The following MAX variants were observed in gnomAD, a reference collection of about 807,000 sequenced individuals.
MAX encodes the protein MYC associated transcriptional regulator X, also known as protein max.
In MAX, 3 loss-of-function variants were observed where a neutral mutation model predicts 22.3. The observed-to-expected ratio is 0.13, with a 90% CI of 0.06 to 0.35. The LOEUF (loss-of-function observed/expected upper bound fraction) is 0.35, where lower values mean the gene tolerates loss of function less well. Ranked by LOEUF, MAX falls within the 10% of genes least tolerant of loss-of-function variation. MAX has a pLI of 1.00. For synonymous variants in MAX, 72 were observed against 77.7 expected (o/e 0.93, Z 0.39); for missense variants, 119 against 209.4 (o/e 0.57, Z 2.66).
At position 65,075,643 on chromosome 14, in the gene MAX, T is replaced by C. The variant is rs1009761370; in HGVS notation, c.*833A>G. On this transcript the variant is annotated 3_prime_UTR_variant, in exon 5 of 5. Coordinates refer to ENST00000358664, the MANE Select transcript of MAX (RefSeq NM_002382.5). This position sits in a 1 kb window ranked among gnomAD's most constrained non-coding sequence, Gnocchi z 4.1. ...AGATTCAAATTTAAGTAGCAGGAAA[T>C]AAATATCAAAACATCATCACTGGCC... The C allele has an allele frequency of 5.6e-6, 6 of 1,066,200 alleles. No individual in the cohort carries two copies. In the East Asian group the frequency reaches 1.5e-4, roughly 26 times the overall value. 66.0% of individuals were successfully genotyped at this position (1,066,200 alleles called of 1,614,324 possible). A position where few individuals can be genotyped will look rare whatever the true frequency, so the allele number is the denominator to read the frequency against.
At chr14:65,053,598 T>G (rs1176791024) in intron 3 of MAX, among the ~76,000 whole-genome samples, 1 of 143,982 alleles carries the variant, frequency 6.9e-6, no homozygotes, top group Non-Finnish European at 1.5e-5. Context: ...GGGAAACAGA[T>G]TGCTGGGTAG....
chr14:65,042,658 T>C (rs535148796), intron 3 of MAX, among the ~76,000 whole-genome samples: 2 of 152,314 alleles, frequency 1.3e-5, no homozygotes, highest in East Asian at 3.9e-4. Context: ...TCCATTTGCT[T>C]TGGGAGAAGT....
intron 3 of MAX, among the ~76,000 whole-genome samples, chr14:65,036,464 T>C (rs1036795258): frequency 6.6e-5 from 10 of 152,140 alleles, no homozygotes; most frequent in African/African-American, 2.2e-4. Context: ...CTTAAACCCC[T>C]GAGCTTAAGC....
intron 3 of MAX, among the ~76,000 whole-genome samples, chr14:65,019,883 T>G (rs2061853796): frequency 6.6e-6 from 1 of 152,134 alleles, no homozygotes; most frequent in Non-Finnish European, 1.5e-5. Flanking sequence ...AAATAGAAGA[T>G]TTTTTTTAGA....
chr14:65,022,728 T>A (rs948453431), intron 3 of MAX, among the ~76,000 whole-genome samples: 1 of 152,020 alleles, frequency 6.6e-6, no homozygotes. Flanking sequence ...CCCTTTGAGG[T>A]GGAAAATGGA....
intron 3 of MAX, among the ~76,000 whole-genome samples, chr14:65,017,743 G>A (rs1381189515): frequency 2.0e-5 from 3 of 151,996 alleles, no homozygotes; most frequent in Admixed American, 6.6e-5. Flanking sequence ...ATCACTTGAG[G>A]TCAGGAGTTT....
intron 3 of MAX, among the ~76,000 whole-genome samples, chr14:65,059,076 A>G (rs8008095): frequency 0.5 from 75,314 of 151,956 alleles, 21,146 homozygotes; most frequent in African/African-American, 0.78. Flanking sequence ...ATGCTGGAGT[A>G]CAGTGCTGTG....
intron 3 of MAX, among the ~76,000 whole-genome samples, chr14:65,038,369 C>T (rs1357087628): frequency 6.6e-6 from 1 of 151,286 alleles, no homozygotes; most frequent in Non-Finnish European, 1.5e-5. Flanking sequence ...GAGATCGCAC[C>T]ATTGCACTCC....
At chr14:65,058,137 AG>A (rs1485305063) in intron 3 of MAX, among the ~76,000 whole-genome samples, 1 of 151,844 alleles carries the variant, frequency 6.6e-6, no homozygotes, top group Non-Finnish European at 1.5e-5. Context: ...CTGTCTTCCC[AG>A]GAGTACAAAG....
At chr14:65,040,539 C>G (rs1441440537) in intron 3 of MAX, among the ~76,000 whole-genome samples, 3 of 150,894 alleles carry the variant, frequency 2.0e-5, no homozygotes, top group Non-Finnish European at 4.4e-5. Context: ...CTCCTCGCCT[C>G]AAGTGATCTT....
intron 3 of MAX, among the ~76,000 whole-genome samples, chr14:65,064,844 T>C (rs2062915033): frequency 6.6e-6 from 1 of 152,262 alleles, no homozygotes; most frequent in African/African-American, 2.4e-5. Flanking sequence ...AAACAGTGAT[T>C]ACTGGGATAG....
At position 65,088,374 on chromosome 14, in the gene MAX, A is replaced by G. The variant is rs548108359; in HGVS notation, c.171+5334T>C. ...AAATTAAATGCATTTACAATTGCTGAGCCTGGAGCCTAAGGGAGACTTGGG... is the reference window on the plus strand; with the variant it reads ...AAATTAAATGCATTTACAATTGCTGGGCCTGGAGCCTAAGGGAGACTTGGG... On this transcript the variant is annotated intron_variant, in intron 3 of 4. Transcript: ENST00000358664. The surrounding 1 kb of genome is among the most constrained non-coding windows in gnomAD (Gnocchi z 5.2). 1.4e-4 allele frequency among the ~76,000 whole-genome samples: 22 copies of G among 152,218 alleles called. No homozygotes were observed. Among genetic ancestry groups the G allele is most frequent in the Non-Finnish European group, 3.2e-4 (22 of 68,042 alleles).
chr14:65,095,861 C>A (rs1484903687), intron 2 of MAX, among the ~76,000 whole-genome samples: 10 of 152,198 alleles, frequency 6.6e-5, no homozygotes, highest in Non-Finnish European at 1.5e-4. Flanking sequence ...GAGAGCCCTG[C>A]AAATCTCAAA....
intron 3 of MAX, among the ~76,000 whole-genome samples, chr14:65,025,768 A>G (rs1244308752): frequency 4.6e-5 from 7 of 152,312 alleles, no homozygotes; most frequent in Admixed American, 4.6e-4. Context: ...GTGAGCCGTG[A>G]TTATGCCGCT....
At chr14:65,060,478 C>T (rs1405703631) in intron 3 of MAX, among the ~76,000 whole-genome samples, 3 of 111,860 alleles carry the variant, frequency 2.7e-5, no homozygotes, top group Admixed American at 7.9e-5. Context: ...GGGCGGATCA[C>T]GAGGTCAGGA....
chr14:65,066,045 C>T (rs767353079), intron 3 of MAX, among the ~76,000 whole-genome samples: 7 of 152,162 alleles, frequency 4.6e-5, no homozygotes, highest in African/African-American at 1.7e-4. Context: ...TGAGAGGTCT[C>T]GGGGAATAGG....
rs762778080 is a variant in MAX at position 65,093,025 on chromosome 14, A to G, written c.171+683T>C. Among the ~76,000 whole-genome samples the G allele has an allele frequency of 1.3e-4, 20 of 152,222 alleles. No individual in the cohort carries two copies. Among genetic ancestry groups the G allele is most frequent in the Non-Finnish European group, 2.9e-4 (20 of 68,028 alleles). On this transcript the variant is annotated intron_variant, in intron 3 of 4. Transcript: ENST00000358664. This position sits in a 1 kb window ranked among gnomAD's most constrained non-coding sequence, Gnocchi z 4.4. ...AAATTCCAGGGAGTGACCCTAACCC[A>G]TAGGCTTTTACTCAAAGCTTCTAAT...
At chr14:65,057,299 C>A (rs188574529) in intron 3 of MAX, among the ~76,000 whole-genome samples, 1 of 152,046 alleles carries the variant, frequency 6.6e-6, no homozygotes, top group African/African-American at 2.4e-5. Flanking sequence ...TATGGTGGTT[C>A]GCACCTGTAA....
Position 65,077,502 on chromosome 14 carries a change from AC to A in MAX, c.295+410del. Reference sequence around the variant, plus strand: ...CTAGCCCATAGGCTGCCCTGATTGGACTACCATTGACAATGGGGAGGGCTCA... The same window carrying A: ...CTAGCCCATAGGCTGCCCTGATTGGATACCATTGACAATGGGGAGGGCTCA... On this transcript the variant is annotated intron_variant, in intron 4 of 4. Coordinates refer to ENST00000358664, the MANE Select transcript of MAX (RefSeq NM_002382.5). This position sits in a 1 kb window ranked among gnomAD's most constrained non-coding sequence, Gnocchi z 6.3. The A allele has an allele frequency of 9.6e-7, 1 of 1,046,024 alleles. No homozygotes were observed. The highest frequency in any genetic ancestry group is 1.5e-6 in the Non-Finnish European group (1 of 661,098). 64.8% of individuals were successfully genotyped at this position (1,046,024 alleles called of 1,614,324 possible).
Sources: allele counts gnomAD v4.1 joint callset (sites outside exome capture counted in the v4.1 genomes callset), GRCh38; gene constraint gnomAD v4.1.1; non-coding constraint Gnocchi (gnomAD v3.1); transcripts MANE v1.5; gene names NCBI Gene and HGNC (gene_info 2026-07-23, HGNC 2026-07-21).